MGAT5: variants seen among roughly 807,000 people sequenced by gnomAD.
MGAT5 encodes alpha-1,6-mannosylglycoprotein 6-beta-N-acetylglucosaminyltransferase.
MGAT5 carries 30 observed loss-of-function variants against 94.3 expected under a neutral mutation model. The observed-to-expected ratio is 0.32, with a 90% CI of 0.24 to 0.43. The LOEUF is 0.43. Among genes scored for constraint, MGAT5 ranks in the 20% least tolerant of loss-of-function variants. MGAT5 has a pLI of 1.00. For synonymous variants in MGAT5, 310 were observed against 322.9 expected, an observed-to-expected ratio of 0.96 and a Z score of 0.43; for missense variants, 691 against 905.5, an observed-to-expected ratio of 0.76 and a Z score of 3.04.
chr2:134,286,211 C>T (rs1001322977), intron 2 of MGAT5, among the ~76,000 whole-genome samples: 11 of 152,186 alleles, frequency 7.2e-5, no homozygotes, highest in Non-Finnish European at 1.2e-4. Context: ...ATTCAGTAGT[C>T]GTCTTCCTGA....
At chr2:134,398,109 T>C (rs1378452822) in intron 10 of MGAT5, among the ~76,000 whole-genome samples, 1 of 152,226 alleles carries the variant, frequency 6.6e-6, no homozygotes, top group Non-Finnish European at 1.5e-5. Context: ...AGAAGTGTTT[T>C]TGATTTTGGA....
At chr2:134,441,992 A>G (rs752019105) in intron 15 of MGAT5, 77 bp downstream of exon 15, 4 of 1,520,156 alleles carry the variant, frequency 2.6e-6, no homozygotes, top group African/African-American at 1.4e-5. Flanking sequence ...GGTGAGAGGT[A>G]CAGGTTTCCT....
chr2:134,299,973 A>G (rs1335714105), intron 2 of MGAT5, among the ~76,000 whole-genome samples: 1 of 152,152 alleles, frequency 6.6e-6, no homozygotes, highest in Admixed American at 6.6e-5. Context: ...TTGTCATATC[A>G]TTATAGAAAG....
chr2:134,128,713 C>T (rs1050027009), intron 1 of MGAT5, among the ~76,000 whole-genome samples: 1 of 152,034 alleles, frequency 6.6e-6, no homozygotes, highest in African/African-American at 2.4e-5. Context: ...CATGTGTCAC[C>T]ACGCCTGGCT....
rs185824960 is a variant in MGAT5 at position 134,378,772 on chromosome 2, T to C, written c.1380+16364T>C. 4.2e-3 allele frequency among the ~76,000 whole-genome samples: 643 copies of C among 152,142 alleles called. 4 individuals carry two copies. Among genetic ancestry groups the C allele is most frequent in the African/African-American group, 0.014 (593 of 41,540 alleles). ...CTGGGATAACAGGCGTGCACCACCA[T>C]ACCCAGCTAATTTTTGTATTTTTAA... On this transcript the variant is annotated intron_variant, in intron 10 of 15. Transcript: ENST00000281923.
chr2:134,160,017 T>A (rs1225328958), intron 1 of MGAT5, among the ~76,000 whole-genome samples: 1 of 152,030 alleles, frequency 6.6e-6, no homozygotes, highest in Admixed American at 6.6e-5. Context: ...CAGAGTCCTT[T>A]GGGGAGAGAA....
intron 4 of MGAT5, among the ~76,000 whole-genome samples, chr2:134,330,806 A>G (rs372618663): frequency 3.3e-5 from 5 of 152,268 alleles, no homozygotes; most frequent in African/African-American, 1.2e-4. Context: ...TGAAAAATAC[A>G]GCATGAAATC....
At chr2:134,119,997 A>G (rs578003900), upstream of MGAT5, 2 of 152,252 alleles carry the variant, frequency 1.3e-5, no homozygotes, top group Non-Finnish European at 2.9e-5. Context: ...GTTGCCAGAA[A>G]TTGAGGACGG....
At chr2:134,419,291 A>G (rs77849331) in intron 12 of MGAT5, among the ~76,000 whole-genome samples, 3,143 of 152,248 alleles carry the variant, frequency 0.021, 109 homozygotes, top group African/African-American at 0.07. Context: ...AGAGGGAGAA[A>G]AGTTCCGCAA....
At chr2:134,394,002 C>G (rs1455284128) in intron 10 of MGAT5, among the ~76,000 whole-genome samples, 1 of 152,180 alleles carries the variant, frequency 6.6e-6, no homozygotes, top group Non-Finnish European at 1.5e-5. Context: ...AGGTAAGGCC[C>G]TTGGGATGAA....
chr2:134,249,512 G>A (rs1320631419), upstream of MGAT5, among the ~76,000 whole-genome samples: 2 of 151,958 alleles, frequency 1.3e-5, no homozygotes, highest in African/African-American at 4.8e-5. Flanking sequence ...TGCAATATGT[G>A]TTTTTTTGTT....
chr2:134,147,274 C>T (rs992862355), intron 1 of MGAT5, among the ~76,000 whole-genome samples: 1 of 152,124 alleles, frequency 6.6e-6, no homozygotes, highest in African/African-American at 2.4e-5. Flanking sequence ...CTGCTCAGTA[C>T]ATAGTAAATG....
Position 134,416,474 on chromosome 2 carries a change from C to CTTTTTTTTTTTTTTTTTTT in MGAT5, c.1677+3470_1677+3471insTTTTTTTTTTTTTTTTTTT, listed in dbSNP as rs71275904. On this transcript the variant is annotated intron_variant, in intron 12 of 15. Coordinates refer to ENST00000281923, the MANE Select transcript of MGAT5 (RefSeq NM_002410.5). ...GCCTGTTTCAGAATCTCATTCCTTACTTTTTTTTTTTGGAGACCGGGTCTT... is the reference window on the plus strand; with the variant it reads ...GCCTGTTTCAGAATCTCATTCCTTACTTTTTTTTTTTTTTTTTTTTTTTTTTTTTTGGAGACCGGGTCTT... Among the ~76,000 whole-genome samples, 107 of 139,134 alleles carry CTTTTTTTTTTTTTTTTTTT rather than the reference C, an allele frequency of 7.7e-4. 4 individuals carry two copies. The highest frequency in any genetic ancestry group is 2.4e-3 in the African/African-American group (86 of 36,380). The allele number at this position is 139,134 out of a possible 152,430, so 91.3% of individuals were successfully genotyped here. A position where few individuals can be genotyped will look rare whatever the true frequency, so the allele number is the denominator to read the frequency against.
At chr2:134,277,799 A>G (rs990395834) in intron 2 of MGAT5, among the ~76,000 whole-genome samples, 1 of 152,262 alleles carries the variant, frequency 6.6e-6, no homozygotes, top group Non-Finnish European at 1.5e-5. Flanking sequence ...TGAAATTAAT[A>G]TGTGTATAGT....
At chr2:134,271,671 T>A (rs989936167) in intron 2 of MGAT5, among the ~76,000 whole-genome samples, 2 of 152,204 alleles carry the variant, frequency 1.3e-5, no homozygotes, top group African/African-American at 4.8e-5. Context: ...TTAGCAAATT[T>A]TAAATTGCAA....
chr2:134,339,595 GA>G (rs1341253868), intron 6 of MGAT5, among the ~76,000 whole-genome samples: 2 of 151,880 alleles, frequency 1.3e-5, no homozygotes, highest in African/African-American at 2.4e-5. Context: ...CTGCAATAAG[GA>G]AAAAAATGGT....
chr2:134,129,931 G>C (rs539096029), intron 1 of MGAT5, among the ~76,000 whole-genome samples: 2 of 152,324 alleles, frequency 1.3e-5, no homozygotes, highest in East Asian at 3.9e-4. Flanking sequence ...TGCTTGCGGG[G>C]AGGTGTGGAG....
intron 14 of MGAT5, among the ~76,000 whole-genome samples, chr2:134,433,595 C>T (rs925671218): frequency 5.3e-5 from 8 of 152,162 alleles, no homozygotes; most frequent in African/African-American, 1.9e-4. Context: ...CCTCTGGGGC[C>T]GTGTGTGGAC....
intron 1 of MGAT5, among the ~76,000 whole-genome samples, chr2:134,218,281 T>C (rs963846024): frequency 2.6e-5 from 4 of 152,202 alleles, no homozygotes; most frequent in Non-Finnish European, 4.4e-5. Flanking sequence ...AACCCCAGCC[T>C]CCTAGGAACT....
Sources: gnomAD v4.1 joint callset for allele counts (sites outside exome capture counted in the v4.1 genomes callset) on GRCh38, gnomAD v4.1.1 for gene constraint, MANE v1.5 for transcripts, NCBI Gene and HGNC (gene_info 2026-07-23, HGNC 2026-07-21) for gene names.